Variants in ASPRV1 observed in about 807,000 individuals in gnomAD.
ASPRV1 encodes retroviral-like aspartic protease 1.
In ASPRV1, 7 loss-of-function variants were observed where a neutral mutation model predicts 11.0. The ratio of observed to expected loss-of-function variants is 0.64; its 90% CI spans 0.36 to 1.20. ASPRV1 has a LOEUF of 1.20. Among genes scored for constraint, ASPRV1 ranks in the 50% most tolerant of loss-of-function variants. ASPRV1 has a pLI of 0.02. For synonymous variants in ASPRV1, 136 were observed against 138.4 expected (o/e 0.98, Z 0.12); for missense variants, 299 against 320.0 (o/e 0.93, Z 0.50).
chr2:70,027,819 A>G, the ASPRV1 span, among the ~76,000 whole-genome samples: 5 of 152,250 alleles, frequency 3.3e-5, no homozygotes, highest in African/African-American at 4.8e-5. Context: ...ATGTTTCAAA[A>G]TAACTAGAAG....
At chr2:69,979,908 A>G in the ASPRV1 span, among the ~76,000 whole-genome samples, 1 of 152,178 alleles carries the variant, frequency 6.6e-6, no homozygotes, top group Non-Finnish European at 1.5e-5. Flanking sequence ...GATGCTTTAC[A>G]CAGTGACTTC....
the ASPRV1 span, among the ~76,000 whole-genome samples, chr2:70,021,303 C>G: frequency 4.0e-5 from 6 of 151,428 alleles, no homozygotes; most frequent in African/African-American, 1.5e-4. Flanking sequence ...TTGTTCTGTA[C>G]GCAAGATGAA....
chr2:70,020,932 C>T, the ASPRV1 span, among the ~76,000 whole-genome samples: 4 of 152,010 alleles, frequency 2.6e-5, no homozygotes, highest in Admixed American at 6.6e-5. Flanking sequence ...AGATAAAGAG[C>T]GGTGATGGTT....
chr2:69,986,734 C>T, the ASPRV1 span, among the ~76,000 whole-genome samples: 2 of 152,320 alleles, frequency 1.3e-5, no homozygotes, highest in African/African-American at 4.8e-5. Flanking sequence ...CCTGCTGGGC[C>T]AGGTGTCACC....
At chr2:70,042,853 A>T in the ASPRV1 span, among the ~76,000 whole-genome samples, 1 of 152,174 alleles carries the variant, frequency 6.6e-6, no homozygotes, top group East Asian at 1.9e-4. Flanking sequence ...AATGTGTCCA[A>T]AAAAATTAGC....
the ASPRV1 span, among the ~76,000 whole-genome samples, chr2:70,008,755 C>A: frequency 6.6e-6 from 1 of 152,100 alleles, no homozygotes; most frequent in East Asian, 1.9e-4. Flanking sequence ...CCCTGGCTAG[C>A]CCTACCATAT....
downstream of ASPRV1, among the ~76,000 whole-genome samples, chr2:69,957,314 G>A (rs1293578296): frequency 2.0e-5 from 3 of 152,114 alleles, no homozygotes; most frequent in African/African-American, 7.2e-5. Flanking sequence ...ATGAGAATGA[G>A]AGAGATGATG....
upstream of ASPRV1, chr2:69,964,370 G>C (rs551922507): frequency 2.2e-6 from 1 of 454,626 alleles, no homozygotes; most frequent in Non-Finnish European, 4.4e-6. Context: ...CATGGTTACC[G>C]TGAGAGCTGG....
At chr2:70,029,431 G>A in the ASPRV1 span, among the ~76,000 whole-genome samples, 4 of 152,046 alleles carry the variant, frequency 2.6e-5, no homozygotes, top group Non-Finnish European at 5.9e-5. Context: ...ACAAGCTCAG[G>A]AGATTGAGAC....
the ASPRV1 span, among the ~76,000 whole-genome samples, chr2:70,066,803 T>C: frequency 1.3e-5 from 2 of 151,268 alleles, no homozygotes; most frequent in Non-Finnish European, 2.9e-5. Flanking sequence ...TCTCACTATG[T>C]TGCCTTGAAC....
At chr2:69,941,158 A>T in the ASPRV1 span, 1 of 152,236 alleles carries the variant, frequency 6.6e-6, no homozygotes, top group South Asian at 2.1e-4. Context: ...AAACTAAAAA[A>T]ATCTAAACTG....
the ASPRV1 span, chr2:69,998,201 A>G: frequency 9.9e-5 from 15 of 152,068 alleles, no homozygotes; most frequent in African/African-American, 3.6e-4. Flanking sequence ...ACCTCCCACC[A>G]ATAGCTTCTT....
the ASPRV1 span, among the ~76,000 whole-genome samples, chr2:70,006,303 G>A: frequency 6.6e-6 from 1 of 152,168 alleles, no homozygotes; most frequent in Non-Finnish European, 1.5e-5. Flanking sequence ...CCTCCGCAAA[G>A]GTCTGGGAGG....
chr2:70,078,870 G>A, the ASPRV1 span, among the ~76,000 whole-genome samples: 1 of 152,152 alleles, frequency 6.6e-6, no homozygotes, highest in Non-Finnish European at 1.5e-5. Context: ...TTAGATTGAG[G>A]GGGCAAAGAG....
chr2:69,971,031 G>T, the ASPRV1 span: 1 of 152,194 alleles, frequency 6.6e-6, no homozygotes, highest in East Asian at 1.9e-4. Context: ...GCCAAGTGTG[G>T]TGGTGGGCAC....
the ASPRV1 span, among the ~76,000 whole-genome samples, chr2:69,969,141 G>A: frequency 0.023 from 3,512 of 152,240 alleles, 139 homozygotes; most frequent in African/African-American, 0.08. Context: ...CCCCACTGTG[G>A]GGCAGGTGGA....
chr2:70,055,958 T>C, the ASPRV1 span: 1 of 152,142 alleles, frequency 6.6e-6, no homozygotes, highest in African/African-American at 2.4e-5. Flanking sequence ...AACGTATTGA[T>C]GAATGAATGG....
At chr2:69,954,691 C>T in the ASPRV1 span, among the ~76,000 whole-genome samples, 7 of 152,146 alleles carry the variant, frequency 4.6e-5, no homozygotes, top group African/African-American at 1.7e-4. Flanking sequence ...TCCCGGGAAA[C>T]ATCCATTCAT....
upstream of ASPRV1, chr2:69,964,515 C>T: frequency 3.4e-6 from 1 of 295,346 alleles, no homozygotes; most frequent in Admixed American, 4.6e-5. Context: ...TGGAAGCACA[C>T]AGAGACCTTG....
Sources: allele counts gnomAD v4.1 joint callset (sites outside exome capture counted in the v4.1 genomes callset), GRCh38; gene constraint gnomAD v4.1.1; transcripts MANE v1.5; gene names NCBI Gene and HGNC (gene_info 2026-07-23, HGNC 2026-07-21).